TNS3: variants seen among roughly 807,000 people sequenced by gnomAD.
The protein encoded by TNS3 is tensin-3.
In TNS3, 45 loss-of-function variants were observed where a neutral mutation model predicts 140.9. The observed-to-expected ratio is 0.32, with a 90% CI of 0.25 to 0.41. The LOEUF (loss-of-function observed/expected upper bound fraction) is 0.41, where lower values mean the gene tolerates loss of function less well. Ranked by LOEUF, TNS3 falls within the 10% of genes least tolerant of loss-of-function variation. The pLI is 1.00. For synonymous variants in TNS3, 815 were observed against 788.4 expected (o/e 1.03, Z -0.56); for missense variants, 1,716 against 1,906.7 (o/e 0.90, Z 1.86).
chr7:47,424,297 C>A, intron 9 of TNS3, 113 bp from the exon 10 acceptor site: 1 of 971,040 alleles, frequency 1.0e-6, no homozygotes, highest in Admixed American at 2.3e-5. Context: ...CCACAAGGGG[C>A]TTCACCCTTT....
intron 17 of TNS3, among the ~76,000 whole-genome samples, chr7:47,358,477 T>A (rs1406052223): frequency 6.6e-6 from 1 of 152,228 alleles, no homozygotes; most frequent in African/African-American, 2.4e-5. Context: ...TATTATCCCA[T>A]GCCTCAGTAC....
intron 4 of TNS3, among the ~76,000 whole-genome samples, chr7:47,465,473 C>G (rs981456392): frequency 6.6e-6 from 1 of 152,164 alleles, no homozygotes; most frequent in Admixed American, 6.5e-5. Flanking sequence ...AGTAGAGACA[C>G]GCGGATCAGA....
chr7:47,278,083 T>C lies in TNS3; in HGVS notation c.4331A>G (p.Lys1444Arg). The change falls in exon 31 of 31, where the codon AAG (lysine) becomes AGG (arginine). Residue 1444 changes from lysine (K) to arginine (R), a missense_variant. Lys to Arg is a conservative substitution (Grantham distance 26, BLOSUM62 2). Around this residue, in one of 3 missense-constraint regions of TNS3, gnomAD observed 216 missense variants for 295.7 expected, o/e 0.73. Transcript: ENST00000311160. ...AGGGAGGGAGGGGAGTTCTCAGACC[T>C]TCTTTGGGGAACCAATCATGACCTT... ...VSKVMIGSPK[K>R]V 6.2e-7 allele frequency: 1 copy of C among 1,614,124 alleles called. No individual in the cohort carries two copies. The highest frequency in any genetic ancestry group is 1.6e-4 in the Middle Eastern group (1 of 6,062).
intron 16 of TNS3, among the ~76,000 whole-genome samples, chr7:47,380,766 G>A (rs530417322): frequency 7.1e-5 from 10 of 141,006 alleles, no homozygotes; most frequent in East Asian, 2.0e-4. Context: ...ATATGCACGC[G>A]CGCGCACACA....
At chr7:47,295,290 C>A (rs1405079084) in intron 24 of TNS3, among the ~76,000 whole-genome samples, 1 of 152,178 alleles carries the variant, frequency 6.6e-6, no homozygotes, top group Non-Finnish European at 1.5e-5. Context: ...AAAGATAATG[C>A]ATGCAGAAAT....
chr7:47,352,063 GCACA>G (rs563049638), intron 17 of TNS3, among the ~76,000 whole-genome samples: 2 of 150,452 alleles, frequency 1.3e-5, no homozygotes, highest in African/African-American at 4.9e-5. Flanking sequence ...TCATGCATTT[GCACA>G]CACACTCTTA....
At chr7:47,404,995 G>GTA (rs1793365690) in intron 13 of TNS3, among the ~76,000 whole-genome samples, 1 of 152,204 alleles carries the variant, frequency 6.6e-6, no homozygotes, top group African/African-American at 2.4e-5. Flanking sequence ...TGCTCCTGGA[G>GTA]TACACCAAGT....
chr7:47,408,044 G>T (rs1207275960), intron 13 of TNS3, among the ~76,000 whole-genome samples: 1 of 152,172 alleles, frequency 6.6e-6, no homozygotes, highest in African/African-American at 2.4e-5. Flanking sequence ...GGTTCCAGTG[G>T]CCTGAGGGAC....
intron 1 of TNS3, chr7:47,557,091 T>C (rs1202242671): frequency 2.2e-6 from 1 of 456,782 alleles, no homozygotes; most frequent in Non-Finnish European, 4.4e-6. Context: ...TGGTGATGCA[T>C]CCGAATCCTG....
intron 20 of TNS3, among the ~76,000 whole-genome samples, chr7:47,320,150 G>A (rs754003606): frequency 3.3e-5 from 5 of 152,170 alleles, no homozygotes; most frequent in South Asian, 2.1e-4. Context: ...CTATCTGCGC[G>A]GTGCTCAGTG....
At position 47,311,717 on chromosome 7, in the gene TNS3, G is replaced by A. The variant is rs187082371; in HGVS notation, c.2651-6714C>T. ...CATACCTATAATTGGAGTCCAAGAA[G>A]TTGTGGAGAAATTGAATGAGGCAGA... On this transcript the variant is annotated intron_variant, in intron 20 of 30. Transcript: ENST00000311160. Among the ~76,000 whole-genome samples, 52 of 152,222 alleles carry A rather than the reference G, an allele frequency of 3.4e-4. 1 individual carries two copies. The highest frequency in any genetic ancestry group is 1.2e-3 in the African/African-American group (49 of 41,532).
chr7:47,439,039 GA>G (rs1156502549), intron 6 of TNS3, among the ~76,000 whole-genome samples: 1 of 152,204 alleles, frequency 6.6e-6, no homozygotes, highest in Non-Finnish European at 1.5e-5. Flanking sequence ...AGTGTGTTTT[GA>G]AAATCAAGCT....
At chr7:47,562,477 C>A (rs990602285) in intron 1 of TNS3, among the ~76,000 whole-genome samples, 2 of 151,920 alleles carry the variant, frequency 1.3e-5, no homozygotes, top group African/African-American at 4.8e-5. Flanking sequence ...ACCTCCGCCT[C>A]CCGGGTTCAA....
chr7:47,556,216 A>G (rs1800191746), intron 1 of TNS3, among the ~76,000 whole-genome samples: 1 of 152,238 alleles, frequency 6.6e-6, no homozygotes, highest in Admixed American at 6.5e-5. Flanking sequence ...ACAATTGAGC[A>G]GTAAGAGGTT....
chr7:47,489,198 G>T (rs186609986), intron 3 of TNS3, among the ~76,000 whole-genome samples: 1 of 152,082 alleles, frequency 6.6e-6, no homozygotes, highest in Non-Finnish European at 1.5e-5. Context: ...CTCAGCCTGC[G>T]GGCTGAGAAC....
Position 47,484,085 on chromosome 7 carries a change from G to A in TNS3, c.-114-2944C>T, listed in dbSNP as rs980741578. Among the ~76,000 whole-genome samples the A allele has an allele frequency of 3.3e-5, 5 of 152,164 alleles. No homozygotes were observed. The South Asian group carries it at 8.3e-4, about 25-fold the overall frequency. On this transcript the variant is annotated intron_variant, in intron 3 of 30. Coordinates refer to ENST00000311160, the MANE Select transcript of TNS3 (RefSeq NM_022748.12). ...AGCCTTGCCCTGAGCCTCCACATTC[G>A]CATCCTACTGAACTTGCTCCTCTCT... is the stretch of plus-strand genomic sequence containing the variant.
chr7:47,441,163 C>A (rs1386344880), intron 5 of TNS3, among the ~76,000 whole-genome samples: 1 of 152,088 alleles, frequency 6.6e-6, no homozygotes, highest in Non-Finnish European at 1.5e-5. Flanking sequence ...CAATACCATA[C>A]ATTTATTTTT....
intron 16 of TNS3, among the ~76,000 whole-genome samples, chr7:47,370,274 C>T (rs753989657): frequency 6.6e-6 from 1 of 150,824 alleles, no homozygotes; most frequent in African/African-American, 2.5e-5. Context: ...AGCAAGACTC[C>T]GTCTCAAAAA....
At chr7:47,512,623 G>A (rs73695370) in intron 2 of TNS3, among the ~76,000 whole-genome samples, 3,050 of 152,210 alleles carry the variant, frequency 0.02, 117 homozygotes, top group African/African-American at 0.071. Flanking sequence ...AGACATGCGC[G>A]GTGGCCTCAT....
Sources: gnomAD v4.1 joint callset for allele counts (sites outside exome capture counted in the v4.1 genomes callset) on GRCh38, gnomAD v4.1.1 for gene constraint, gnomAD v4.1.1 regional missense constraint, MANE v1.5 for transcripts, NCBI Gene and HGNC (gene_info 2026-07-23, HGNC 2026-07-21) for gene names.